Variants in RPA1 observed in about 807,000 individuals in gnomAD.
RPA1 encodes the protein replication protein A 70 kDa DNA-binding subunit.
Under a neutral mutation model 83.0 loss-of-function variants are expected in RPA1, and 49 were observed. The observed-to-expected ratio is 0.59, with a 90% CI of 0.47 to 0.75. RPA1 has a LOEUF of 0.75. RPA1 is among the 30% of genes least tolerant of loss of function. The pLI, the probability that RPA1 is intolerant of heterozygous loss-of-function variation, is 0.00. For synonymous variants in RPA1, 279 were observed against 281.8 expected, an observed-to-expected ratio of 0.99 and a Z score of 0.10; for missense variants, 693 against 776.1, an observed-to-expected ratio of 0.89 and a Z score of 1.27.
intron 13 of RPA1, among the ~76,000 whole-genome samples, chr17:1,885,948 G>T (rs1447823079): frequency 6.6e-6 from 1 of 152,112 alleles, no homozygotes; most frequent in Non-Finnish European, 1.5e-5. Flanking sequence ...TCCTTGTTCT[G>T]TGCATCTCCA....
intron 4 of RPA1, among the ~76,000 whole-genome samples, chr17:1,850,978 T>G (rs1463372876): frequency 6.6e-6 from 1 of 152,216 alleles, no homozygotes; most frequent in Non-Finnish European, 1.5e-5. Context: ...TTTAAACATC[T>G]ACAAACATAG....
chr17:1,888,550 T>C lies in RPA1; in HGVS notation c.1375-125T>C, dbSNP rs1914078709. 8.4e-6 allele frequency: 7 copies of C among 831,288 alleles called. No homozygotes were observed. In the South Asian group the frequency reaches 1.2e-4, roughly 14 times the overall value. The allele number at this position is 831,288 out of a possible 1,614,324, so 51.5% of individuals were successfully genotyped here. A position where few individuals can be genotyped will look rare whatever the true frequency, so the allele number is the denominator to read the frequency against. On this transcript the variant is annotated intron_variant, in intron 13 of 16. Coordinates refer to ENST00000254719, the MANE Select transcript of RPA1 (RefSeq NM_002945.5). ...CAGAATGAATGATTCCCTGTGATCA[T>C]GTGTAATCTTGAGGATGTAGAAACA...
intron 12 of RPA1, among the ~76,000 whole-genome samples, chr17:1,881,483 T>G (rs1200576083): frequency 1.3e-5 from 2 of 152,188 alleles, no homozygotes; most frequent in Non-Finnish European, 2.9e-5. Context: ...TGAAGCATCT[T>G]CTGGAATGTT....
At chr17:1,837,369 A>G (rs1911866178) in intron 1 of RPA1, among the ~76,000 whole-genome samples, 1 of 152,138 alleles carries the variant, frequency 6.6e-6, no homozygotes, top group African/African-American at 2.4e-5. Flanking sequence ...TTGTTTATTT[A>G]CTTATTATTG....
In RPA1 at chr17:1,899,708, A is replaced by G. The variant is rs1340126653; in HGVS notation, c.*2533A>G. ...CATGGTTATTGACTACATAATTAAT[A>G]TACTGTCCAAAAGTGAAGTTTGGCC... On this transcript the variant is annotated 3_prime_UTR_variant, in exon 17 of 17. Coordinates refer to ENST00000254719, the MANE Select transcript of RPA1 (RefSeq NM_002945.5). 1.3e-5 allele frequency: 2 copies of G among 152,268 alleles called. No homozygotes were observed. The highest frequency in any genetic ancestry group is 2.9e-5 in the Non-Finnish European group (2 of 68,058). The allele number at this position is 152,268 out of a possible 1,614,324, so 9.4% of individuals were successfully genotyped here.
At chr17:1,875,825 T>C in intron 7 of RPA1, 32 bp downstream of exon 7, 2 of 1,583,886 alleles carry the variant, frequency 1.3e-6, no homozygotes, top group Non-Finnish European at 1.7e-6. Flanking sequence ...GTTCAGAGTG[T>C]ACTTATGAAA....
At chr17:1,831,394 A>G (rs975217747) in intron 1 of RPA1, among the ~76,000 whole-genome samples, 8 of 151,884 alleles carry the variant, frequency 5.3e-5, no homozygotes, top group African/African-American at 9.7e-5. Context: ...GCGTAGATCT[A>G]TCAAGCCCAC....
At chr17:1,878,943 G>A (rs1457213321) in intron 8 of RPA1, 50 bp from the exon 9 acceptor site, 2 of 1,583,872 alleles carry the variant, frequency 1.3e-6, no homozygotes, top group South Asian at 2.2e-5. Flanking sequence ...GGGTGCTGGG[G>A]TGGCCTGTGT....
intron 14 of RPA1, among the ~76,000 whole-genome samples, chr17:1,889,070 G>A (rs775045290): frequency 2.9e-5 from 4 of 140,288 alleles, no homozygotes; most frequent in Admixed American, 1.5e-4. Context: ...CAGCCATAGC[G>A]TCAGTGACAC....
intron 1 of RPA1, among the ~76,000 whole-genome samples, chr17:1,838,946 A>G (rs1456648797): frequency 1.3e-5 from 2 of 150,980 alleles, no homozygotes; most frequent in African/African-American, 4.9e-5. Context: ...CACCTCCCGG[A>G]TTCACAGCAT....
At chr17:1,896,262 T>C (rs1035051216) in intron 16 of RPA1, among the ~76,000 whole-genome samples, 1 of 152,142 alleles carries the variant, frequency 6.6e-6, no homozygotes, top group Non-Finnish European at 1.5e-5. Flanking sequence ...TATCACGGGA[T>C]TTAGTACCGA....
At chr17:1,865,743 T>C (rs934446341) in intron 5 of RPA1, among the ~76,000 whole-genome samples, 5 of 152,148 alleles carry the variant, frequency 3.3e-5, no homozygotes, top group Non-Finnish European at 5.9e-5. Flanking sequence ...CCACTTTGCC[T>C]ACACAAAAGG....
intron 6 of RPA1, among the ~76,000 whole-genome samples, chr17:1,874,021 A>G (rs1404600614): frequency 1.7e-5 from 2 of 115,242 alleles, no homozygotes; most frequent in African/African-American, 7.7e-5. Flanking sequence ...AAATATATAT[A>G]TATATATATA....
chr17:1,830,962 C>A (rs576126715), intron 1 of RPA1, among the ~76,000 whole-genome samples: 1 of 152,018 alleles, frequency 6.6e-6, no homozygotes, highest in South Asian at 2.1e-4. Flanking sequence ...GACTGGGTTT[C>A]ATCATGTTGG....
chr17:1,840,225 C>G (rs1567801217), intron 1 of RPA1, among the ~76,000 whole-genome samples: 1 of 152,132 alleles, frequency 6.6e-6, no homozygotes, highest in African/African-American at 2.4e-5. Context: ...CCTAGACCTC[C>G]TGGGCTCGAG....
intron 4 of RPA1, among the ~76,000 whole-genome samples, chr17:1,845,041 A>G (rs910979421): frequency 3.9e-5 from 6 of 152,034 alleles, no homozygotes; most frequent in African/African-American, 1.4e-4. Flanking sequence ...TGCCCACCTC[A>G]GCCTCCCAAA....
intron 4 of RPA1, among the ~76,000 whole-genome samples, chr17:1,850,625 G>A (rs1912458929): frequency 6.6e-6 from 1 of 151,670 alleles, no homozygotes; most frequent in African/African-American, 2.4e-5. Context: ...GGCTGTGCTG[G>A]TGGCTCATGC....
chr17:1,889,869 G>A (rs1248809824), intron 14 of RPA1, among the ~76,000 whole-genome samples: 22 of 151,812 alleles, frequency 1.4e-4, no homozygotes, highest in African/African-American at 4.8e-4. Context: ...GCGTGGTGGC[G>A]GGTGCCTGTA....
intron 12 of RPA1, 92 bp from the exon 13 acceptor site, chr17:1,883,720 C>A: frequency 6.4e-7 from 1 of 1,564,694 alleles, no homozygotes; most frequent in Non-Finnish European, 8.8e-7. Flanking sequence ...TGGTGGGAAA[C>A]CTGTGTCTGT....
Sources: allele counts gnomAD v4.1 joint callset (sites outside exome capture counted in the v4.1 genomes callset), GRCh38; gene constraint gnomAD v4.1.1; transcripts MANE v1.5; gene names NCBI Gene and HGNC (gene_info 2026-07-23, HGNC 2026-07-21).